The following PPP6R3 variants were observed in gnomAD, a reference collection of about 807,000 sequenced individuals.
PPP6R3 encodes serine/threonine-protein phosphatase 6 regulatory subunit 3.
PPP6R3 carries 38 observed loss-of-function variants against 110.7 expected under a neutral mutation model. The ratio of observed to expected loss-of-function variants is 0.34; its 90% CI spans 0.26 to 0.45. PPP6R3 has a LOEUF of 0.45. PPP6R3 is among the 20% of genes least tolerant of loss of function. The probability of loss-of-function intolerance (pLI) is 1.00; values close to 1 mark genes in which losing one functional copy is unlikely to be tolerated. For synonymous variants in PPP6R3, 369 were observed against 373.5 expected (o/e 0.99, Z 0.14); for missense variants, 870 against 1,062.4 (o/e 0.82, Z 2.52).
At chr11:68,466,052 C>T (rs899584968) in intron 1 of PPP6R3, among the ~76,000 whole-genome samples, 1 of 152,190 alleles carries the variant, frequency 6.6e-6, no homozygotes, top group African/African-American at 2.4e-5. Context: ...CTCTCTGGTT[C>T]CAGACCCGTC....
chr11:68,469,486 A>C (rs1044449184), intron 1 of PPP6R3, among the ~76,000 whole-genome samples: 4 of 150,692 alleles, frequency 2.7e-5, no homozygotes, highest in African/African-American at 9.8e-5. Flanking sequence ...CGATTCTCTC[A>C]CCTCAGCCTC....
intron 2 of PPP6R3, among the ~76,000 whole-genome samples, chr11:68,525,429 G>A (rs1012772923): frequency 2.0e-5 from 3 of 152,302 alleles, no homozygotes; most frequent in Admixed American, 6.5e-5. Context: ...TTTTATTCCT[G>A]AGCAGTCTCA....
intron 22 of PPP6R3, chr11:68,609,339 A>T (rs1942104538): frequency 1.6e-6 from 1 of 627,356 alleles, no homozygotes; most frequent in Non-Finnish European, 2.9e-6. Flanking sequence ...GTGAAATCCG[A>T]TGCAGTCAAC....
At chr11:68,561,658 A>G (rs891571864) in intron 8 of PPP6R3, among the ~76,000 whole-genome samples, 9 of 152,266 alleles carry the variant, frequency 5.9e-5, no homozygotes, top group Admixed American at 4.6e-4. Context: ...CATCAGATCA[A>G]TGAAGAAAAA....
chr11:68,599,094 G>T (rs376160287), intron 19 of PPP6R3, among the ~76,000 whole-genome samples: 1 of 152,252 alleles, frequency 6.6e-6, no homozygotes, highest in East Asian at 1.9e-4. Flanking sequence ...TATTCTACAC[G>T]GGTACTTCTT....
At chr11:68,542,788 A>C (rs909985655) in intron 3 of PPP6R3, among the ~76,000 whole-genome samples, 1 of 152,220 alleles carries the variant, frequency 6.6e-6, no homozygotes, top group Non-Finnish European at 1.5e-5. Context: ...AATGGCTAAC[A>C]TTATGCATGC....
At chr11:68,509,605 C>T (rs2099097504) in intron 1 of PPP6R3, among the ~76,000 whole-genome samples, 1 of 151,206 alleles carries the variant, frequency 6.6e-6, no homozygotes, top group Middle Eastern at 3.2e-3. Flanking sequence ...GTTAATTTAC[C>T]CCACCTCTCT....
chr11:68,547,061 A>G (rs2099352133), intron 4 of PPP6R3, among the ~76,000 whole-genome samples: 2 of 152,220 alleles, frequency 1.3e-5, no homozygotes, highest in African/African-American at 4.8e-5. Context: ...ACCTAATTGT[A>G]TGAAGCAGTT....
chr11:68,504,208 A>G (rs1055724625), intron 1 of PPP6R3, among the ~76,000 whole-genome samples: 1 of 145,726 alleles, frequency 6.9e-6, no homozygotes, highest in Non-Finnish European at 1.5e-5. Context: ...TCTTGAAGAA[A>G]GTAGAAATTG....
At chr11:68,580,577 A>G (rs1411229437) in intron 14 of PPP6R3, among the ~76,000 whole-genome samples, 1 of 152,026 alleles carries the variant, frequency 6.6e-6, no homozygotes. Context: ...GGAGGAAACA[A>G]GATGACCGAG....
intron 23 of PPP6R3, among the ~76,000 whole-genome samples, chr11:68,612,189 C>CAGA (rs1178748966): frequency 1.3e-5 from 2 of 152,264 alleles, no homozygotes; most frequent in East Asian, 3.9e-4. Flanking sequence ...TGTCTAGTTC[C>CAGA]AGAAGTCTCG....
chr11:68,473,101 C>T (rs57736334), intron 1 of PPP6R3, among the ~76,000 whole-genome samples: 1,626 of 152,254 alleles, frequency 0.011, 36 homozygotes, highest in African/African-American at 0.037. Flanking sequence ...TGATAAGTGT[C>T]TTTTTGTATG....
intron 8 of PPP6R3, among the ~76,000 whole-genome samples, chr11:68,561,931 T>C (rs1263004466): frequency 6.6e-6 from 1 of 152,166 alleles, no homozygotes. Context: ...AGCCAAATTT[T>C]TTTTATGTTT....
intron 18 of PPP6R3, among the ~76,000 whole-genome samples, chr11:68,595,199 AATTTTTTTTTTTTTT>A (rs1309082163): frequency 7.7e-5 from 9 of 116,144 alleles, no homozygotes; most frequent in African/African-American, 3.2e-4. Flanking sequence ...ACATAAAAAT[AATTTTTTTTTTTTTT>A]TTTTTTTTTT....
intron 1 of PPP6R3, among the ~76,000 whole-genome samples, chr11:68,466,768 A>G: frequency 6.6e-6 from 1 of 152,176 alleles, no homozygotes. Context: ...GCCTGCCACC[A>G]CGCCCGGCTA....
intron 11 of PPP6R3, 127 bp downstream of exon 11, chr11:68,570,024 CAT>C (rs1248682784): frequency 7.4e-5 from 63 of 851,202 alleles, no homozygotes; most frequent in Middle Eastern, 2.4e-4. Flanking sequence ...ATTTGACAAT[CAT>C]GTGTTCGTTT....
At chr11:68,462,769 C>A (rs1002764503) in intron 1 of PPP6R3, among the ~76,000 whole-genome samples, 1 of 152,138 alleles carries the variant, frequency 6.6e-6, no homozygotes, top group Admixed American at 6.5e-5. Flanking sequence ...CCATGGTGCT[C>A]GAAACCTTGC....
At chr11:68,603,750 G>A (rs2099638901) in intron 22 of PPP6R3, among the ~76,000 whole-genome samples, 1 of 152,148 alleles carries the variant, frequency 6.6e-6, no homozygotes, top group African/African-American at 2.4e-5. Context: ...TATGAGAATT[G>A]ATAAATCTTT....
chr11:68,484,637 G>A (rs185648325), intron 1 of PPP6R3, among the ~76,000 whole-genome samples: 1 of 151,928 alleles, frequency 6.6e-6, no homozygotes, highest in Non-Finnish European at 1.5e-5. Flanking sequence ...GCCCAGGGTG[G>A]AGTGTAATGG....
Sources: allele counts gnomAD v4.1 joint callset (sites outside exome capture counted in the v4.1 genomes callset), GRCh38; gene constraint gnomAD v4.1.1; transcripts MANE v1.5; gene names NCBI Gene and HGNC (gene_info 2026-07-23, HGNC 2026-07-21).